The following CPNE4 variants were observed in gnomAD, a reference collection of about 807,000 sequenced individuals.
The protein encoded by CPNE4 is copine-4.
Under a neutral mutation model 67.9 loss-of-function variants are expected in CPNE4, and 25 were observed. That is an observed-to-expected ratio of 0.37 (90% CI 0.27 to 0.51). The LOEUF (loss-of-function observed/expected upper bound fraction) is 0.51, where lower values mean the gene tolerates loss of function less well. Among genes scored for constraint, CPNE4 ranks in the 20% least tolerant of loss-of-function variants. The probability of loss-of-function intolerance (pLI) is 0.93; values close to 1 mark genes in which losing one functional copy is unlikely to be tolerated. For missense variants in CPNE4, 464 were observed against 690.8 expected (o/e 0.67, Z 3.68); for synonymous variants, 242 against 244.9 (o/e 0.99, Z 0.11).
intron 2 of CPNE4, among the ~76,000 whole-genome samples, chr3:131,847,023 C>T (rs547074582): frequency 2.0e-4 from 31 of 152,290 alleles, no homozygotes; most frequent in East Asian, 5.8e-4. Flanking sequence ...GCAGGAAGAG[C>T]ATGAAGGATG....
At chr3:131,934,889 G>A (rs2071178603) in intron 1 of CPNE4, among the ~76,000 whole-genome samples, 1 of 152,122 alleles carries the variant, frequency 6.6e-6, no homozygotes, top group Non-Finnish European at 1.5e-5. Flanking sequence ...AGAAAATGCA[G>A]GTAAGTCTGT....
intron 4 of CPNE4, among the ~76,000 whole-genome samples, chr3:131,698,166 T>C (rs9790058): frequency 0.73 from 105,522 of 144,562 alleles, 38,928 homozygotes; most frequent in African/African-American, 0.9. Context: ...ACCCGGGAGG[T>C]GGAACTTGTA....
At chr3:131,808,744 G>T (rs1289676577) in intron 2 of CPNE4, among the ~76,000 whole-genome samples, 1 of 152,102 alleles carries the variant, frequency 6.6e-6, no homozygotes, top group African/African-American at 2.4e-5. Context: ...CAGTATTGAG[G>T]TTCTTAGAAT....
intron 1 of CPNE4, among the ~76,000 whole-genome samples, chr3:131,934,026 C>T (rs774018574): frequency 1.3e-5 from 2 of 151,976 alleles, no homozygotes; most frequent in Non-Finnish European, 2.9e-5. Flanking sequence ...AATATGCCTA[C>T]GTTTATAGTG....
intron 2 of CPNE4, among the ~76,000 whole-genome samples, chr3:131,743,978 A>AAAAC (rs1412463466): frequency 6.7e-6 from 1 of 148,842 alleles, no homozygotes; most frequent in African/African-American, 2.4e-5. Context: ...AAAAAAAAAA[A>AAAAC]AAAAAACAAT....
chr3:131,678,466 T>C (rs1422061251), intron 6 of CPNE4, among the ~76,000 whole-genome samples: 6 of 152,120 alleles, frequency 3.9e-5, no homozygotes, highest in East Asian at 1.9e-4. Flanking sequence ...GAACTTCCAA[T>C]ATTATGTTGA....
chr3:131,633,691 A>C (rs1049421392), intron 7 of CPNE4, among the ~76,000 whole-genome samples: 3 of 152,160 alleles, frequency 2.0e-5, no homozygotes, highest in African/African-American at 7.2e-5. Flanking sequence ...ATGAAAATTT[A>C]AAGCCTGAAA....
chr3:131,943,357 G>C (rs1187089016), intron 1 of CPNE4, among the ~76,000 whole-genome samples: 2 of 152,084 alleles, frequency 1.3e-5, no homozygotes, highest in African/African-American at 4.8e-5. Context: ...AAATATTTTA[G>C]AATGATAGAT....
intron 2 of CPNE4, among the ~76,000 whole-genome samples, chr3:131,888,817 GATCA>G (rs3833590): frequency 0.29 from 43,592 of 151,828 alleles, 7,281 homozygotes; most frequent in Non-Finnish European, 0.37. Context: ...AGTCGAAACA[GATCA>G]ATCAAAGTGC....
intron 2 of CPNE4, among the ~76,000 whole-genome samples, chr3:131,868,326 G>A (rs779092019): frequency 1.3e-5 from 2 of 152,124 alleles, no homozygotes; most frequent in Non-Finnish European, 2.9e-5. Flanking sequence ...CCCTTAAAGA[G>A]AGGCAGGCAT....
At chr3:131,574,296 A>C (rs1289446290) in intron 10 of CPNE4, among the ~76,000 whole-genome samples, 2 of 152,120 alleles carry the variant, frequency 1.3e-5, no homozygotes, top group African/African-American at 4.8e-5. Flanking sequence ...GTCTTTTGCC[A>C]TCTGGGGATT....
intron 2 of CPNE4, among the ~76,000 whole-genome samples, chr3:131,864,106 T>C (rs1227838021): frequency 6.6e-6 from 1 of 151,940 alleles, no homozygotes; most frequent in Non-Finnish European, 1.5e-5. Flanking sequence ...TTGGTTACTG[T>C]AGCCTTGTAG....
chr3:131,546,086 A>C (rs781627031), intron 14 of CPNE4, among the ~76,000 whole-genome samples: 28 of 152,152 alleles, frequency 1.8e-4, no homozygotes, highest in East Asian at 3.9e-4. Context: ...CACACACACA[A>C]AAAAACACAA....
intron 1 of CPNE4, among the ~76,000 whole-genome samples, chr3:131,973,473 C>G (rs2072556829): frequency 6.6e-6 from 1 of 152,096 alleles, no homozygotes; most frequent in Non-Finnish European, 1.5e-5. Flanking sequence ...ATTCTAAGTG[C>G]CTTACATATA....
intron 1 of CPNE4, among the ~76,000 whole-genome samples, chr3:131,943,837 A>T (rs1283146101): frequency 6.6e-6 from 1 of 152,136 alleles, no homozygotes; most frequent in African/African-American, 2.4e-5. Context: ...CTCCTTGTGC[A>T]TTACGCTGTA....
intron 2 of CPNE4, among the ~76,000 whole-genome samples, chr3:131,792,811 G>A (rs1186004836): frequency 6.9e-6 from 1 of 144,542 alleles, no homozygotes; most frequent in Non-Finnish European, 1.5e-5. Flanking sequence ...ATATATATGT[G>A]GAGTGTGTGT....
chr3:131,561,042 C>T (rs186088942), intron 11 of CPNE4, among the ~76,000 whole-genome samples: 25 of 152,156 alleles, frequency 1.6e-4, no homozygotes, highest in Non-Finnish European at 4.4e-5. Context: ...TTTGTCTTCT[C>T]ATACCATAAC....
At chr3:131,763,541 A>G (rs1448684173) in intron 2 of CPNE4, among the ~76,000 whole-genome samples, 1 of 152,160 alleles carries the variant, frequency 6.6e-6, no homozygotes, top group African/African-American at 2.4e-5. Flanking sequence ...GTCCTAGGCT[A>G]GCTAATGAGG....
intron 2 of CPNE4, among the ~76,000 whole-genome samples, chr3:131,763,711 G>A (rs2082945274): frequency 1.3e-5 from 2 of 152,010 alleles, no homozygotes; most frequent in African/African-American, 4.8e-5. Context: ...CTCCTACACT[G>A]TGTAGGGGAT....
Sources: gnomAD v4.1 joint callset for allele counts (sites outside exome capture counted in the v4.1 genomes callset) on GRCh38, gnomAD v4.1.1 for gene constraint, MANE v1.5 for transcripts, NCBI Gene and HGNC (gene_info 2026-07-23, HGNC 2026-07-21) for gene names.